ADCY8: variants seen among roughly 807,000 people sequenced by gnomAD.
The protein encoded by ADCY8 is adenylate cyclase 8.
ADCY8 carries 51 observed loss-of-function variants against 119.7 expected under a neutral mutation model. The ratio of observed to expected loss-of-function variants is 0.43; its 90% CI spans 0.34 to 0.54. The LOEUF is 0.54. ADCY8 is among the 20% of genes least tolerant of loss of function. ADCY8 has a pLI of 0.03. For synonymous variants in ADCY8, 665 were observed against 651.0 expected (o/e 1.02, Z -0.33); for missense variants, 1,383 against 1,598.8 (o/e 0.87, Z 2.30).
At chr8:130,851,104 G>C (rs1472344256) in intron 9 of ADCY8, among the ~76,000 whole-genome samples, 1 of 152,096 alleles carries the variant, frequency 6.6e-6, no homozygotes, top group Non-Finnish European at 1.5e-5. Flanking sequence ...TCCCATGTTT[G>C]CAATCATCTT....
At chr8:130,975,750 ATT>A (rs1822052274) in intron 2 of ADCY8, among the ~76,000 whole-genome samples, 1 of 152,170 alleles carries the variant, frequency 6.6e-6, no homozygotes, top group Non-Finnish European at 1.5e-5. Context: ...GTCTAACTCT[ATT>A]GTCTATGTAG....
chr8:130,939,045 AC>A lies in ADCY8; in HGVS notation c.1354-1846del, dbSNP rs200107355. ...TGCCCAGATTTGTGGAGTCAGTGGG[AC>A]TGTTATGGAAAAAGAAATCAGAGGG... is the stretch of plus-strand genomic sequence containing the variant. On this transcript the variant is annotated intron_variant, in intron 4 of 17. Transcript: ENST00000286355. Among the ~76,000 whole-genome samples the A allele has an allele frequency of 3.0e-3, 461 of 152,118 alleles. 4 individuals are homozygous for A. Among genetic ancestry groups the A allele is most frequent in the African/African-American group, 0.01 (417 of 41,516 alleles).
At chr8:130,851,483 C>A (rs553975328) in intron 9 of ADCY8, among the ~76,000 whole-genome samples, 1 of 152,230 alleles carries the variant, frequency 6.6e-6, no homozygotes, top group African/African-American at 2.4e-5. Context: ...CCCAGTAACC[C>A]AGGCAGTGTG....
intron 2 of ADCY8, among the ~76,000 whole-genome samples, chr8:130,985,065 A>G (rs1480179871): frequency 6.6e-6 from 1 of 152,186 alleles, no homozygotes; most frequent in Non-Finnish European, 1.5e-5. Flanking sequence ...TATGTGAAGG[A>G]AACAGGAATC....
chr8:131,007,467 C>T (rs1021451882), intron 1 of ADCY8, among the ~76,000 whole-genome samples: 5 of 152,252 alleles, frequency 3.3e-5, no homozygotes, highest in Admixed American at 3.3e-4. Flanking sequence ...GCCATAGAGG[C>T]TGCCAAACAA....
At chr8:130,962,974 G>C (rs1244222862) in intron 2 of ADCY8, among the ~76,000 whole-genome samples, 1 of 152,156 alleles carries the variant, frequency 6.6e-6, no homozygotes, top group African/African-American at 2.4e-5. Flanking sequence ...CACATTAATC[G>C]TAAGAGGGAA....
At chr8:130,839,514 A>T (rs1309961659) in intron 11 of ADCY8, among the ~76,000 whole-genome samples, 1 of 139,850 alleles carries the variant, frequency 7.2e-6, no homozygotes, top group Non-Finnish European at 1.6e-5. Context: ...GGGACCAGGA[A>T]ATGGGAGAAC....
chr8:130,797,716 C>T (rs1815629312), intron 15 of ADCY8, among the ~76,000 whole-genome samples: 1 of 152,214 alleles, frequency 6.6e-6, no homozygotes, highest in Non-Finnish European at 1.5e-5. Flanking sequence ...TACTAGTACA[C>T]TTACCAGTGA....
chr8:130,960,861 GAATCTGT>G (rs1479520691), intron 2 of ADCY8, among the ~76,000 whole-genome samples: 1 of 152,168 alleles, frequency 6.6e-6, no homozygotes, highest in Non-Finnish European at 1.5e-5. Flanking sequence ...TGGAGGATAT[GAATCTGT>G]ATTCTCATAG....
chr8:130,980,788 T>G (rs1355225582), intron 2 of ADCY8, among the ~76,000 whole-genome samples: 2 of 152,236 alleles, frequency 1.3e-5, no homozygotes, highest in South Asian at 4.1e-4. Flanking sequence ...CAATGGCCGA[T>G]CAAGAGTAGT....
chr8:130,872,243 G>A (rs948010394), intron 8 of ADCY8, among the ~76,000 whole-genome samples: 6 of 152,228 alleles, frequency 3.9e-5, no homozygotes, highest in South Asian at 2.1e-4. Flanking sequence ...TGTGATACAC[G>A]CTTTACATGA....
chr8:130,897,353 C>T (rs975477205), intron 7 of ADCY8, among the ~76,000 whole-genome samples: 1 of 152,094 alleles, frequency 6.6e-6, no homozygotes, highest in Admixed American at 6.6e-5. Context: ...TATTCTTTGA[C>T]CATGTTCACC....
intron 17 of ADCY8, 91 bp from the exon 18 acceptor site, chr8:130,780,968 G>A (rs1231523649): frequency 2.6e-6 from 4 of 1,513,994 alleles, no homozygotes; most frequent in Non-Finnish European, 3.6e-6. Flanking sequence ...ATCACTATGT[G>A]TGGGGTCTCT....
In ADCY8 at chr8:131,040,751, C is replaced by A. The variant is rs966159391; in HGVS notation, c.-418G>T. 1.2e-4 allele frequency: 19 copies of A among 158,280 alleles called. No individual in the cohort carries two copies. The highest frequency in any genetic ancestry group is 1.4e-5 in the Non-Finnish European group (1 of 72,534). 9.8% of individuals were successfully genotyped at this position (158,280 alleles called of 1,614,324 possible). A position where few individuals can be genotyped will look rare whatever the true frequency, so the allele number is the denominator to read the frequency against. On this transcript the variant is annotated 5_prime_UTR_variant, in exon 1 of 18. Transcript: ENST00000286355. Reference sequence around the variant, plus strand: ...GCGCCTGGGCGCCGTGCTTCTGCTGCGCGTCGGGCGGGTCCTGGCTGCTGC... The same window carrying A: ...GCGCCTGGGCGCCGTGCTTCTGCTGAGCGTCGGGCGGGTCCTGGCTGCTGC...
At chr8:130,815,632 A>G (rs1050457659) in intron 13 of ADCY8, among the ~76,000 whole-genome samples, 2 of 152,258 alleles carry the variant, frequency 1.3e-5, no homozygotes, top group African/African-American at 2.4e-5. Flanking sequence ...AAATCAGAAT[A>G]TAGAATCTGA....
At chr8:130,803,040 G>A (rs564725388) in intron 14 of ADCY8, among the ~76,000 whole-genome samples, 1 of 152,322 alleles carries the variant, frequency 6.6e-6, no homozygotes, top group African/African-American at 2.4e-5. Context: ...CATTTTCCAA[G>A]CTACTTGTGT....
In ADCY8 at chr8:130,805,096, T is replaced by C. The variant is rs77477732; in HGVS notation, c.2914-4524A>G. On this transcript the variant is annotated intron_variant, in intron 14 of 17. Coordinates refer to ENST00000286355, the MANE Select transcript of ADCY8 (RefSeq NM_001115.3). Reference sequence around the variant, plus strand: ...TTCTCAGTCTTTCCATCATTTGAAATATTCTGATTGCTTAAATAAAAATGT... The same window carrying C: ...TTCTCAGTCTTTCCATCATTTGAAACATTCTGATTGCTTAAATAAAAATGT... Among the ~76,000 whole-genome samples, 868 of 152,304 alleles carry C rather than the reference T, an allele frequency of 5.7e-3. 19 individuals are homozygous for C. Among genetic ancestry groups the C allele is most frequent in the Admixed American group, 0.036 (555 of 15,300 alleles).
intron 1 of ADCY8, among the ~76,000 whole-genome samples, chr8:130,994,793 A>T (rs1407317182): frequency 2.0e-5 from 3 of 152,198 alleles, no homozygotes; most frequent in Non-Finnish European, 4.4e-5. Context: ...ACTGCTAAAT[A>T]GTACTTAATA....
chr8:130,910,632 G>T (rs1819953711), intron 5 of ADCY8, among the ~76,000 whole-genome samples: 1 of 152,194 alleles, frequency 6.6e-6, no homozygotes, highest in South Asian at 2.1e-4. Context: ...GATGCAGGAG[G>T]AAAATGTTAG....
Sources: gnomAD v4.1 joint callset for allele counts (sites outside exome capture counted in the v4.1 genomes callset) on GRCh38, gnomAD v4.1.1 for gene constraint, MANE v1.5 for transcripts, NCBI Gene and HGNC (gene_info 2026-07-23, HGNC 2026-07-21) for gene names.